The following PTPRG variants were observed in gnomAD, a reference collection of about 807,000 sequenced individuals.
PTPRG encodes the protein protein tyrosine phosphatase receptor type G.
Under a neutral mutation model 165.3 loss-of-function variants are expected in PTPRG, and 102 were observed. The observed-to-expected ratio is 0.62, with a 90% CI of 0.53 to 0.73. The LOEUF is 0.73. PTPRG is among the 30% of genes least tolerant of loss of function. The pLI is 0.00. For missense variants in PTPRG, 1,866 were observed against 1,861.4 expected (o/e 1.00, Z -0.05); for synonymous variants, 675 against 669.5 (o/e 1.01, Z -0.13).
At chr3:61,962,972 T>C (rs1189368730) in intron 2 of PTPRG, among the ~76,000 whole-genome samples, 1 of 152,210 alleles carries the variant, frequency 6.6e-6, no homozygotes, top group East Asian at 1.9e-4. Context: ...AAAAGGTATA[T>C]GCAGAGAAGT....
chr3:62,236,213 G>T (rs147098521), intron 14 of PTPRG, among the ~76,000 whole-genome samples: 2 of 152,150 alleles, frequency 1.3e-5, no homozygotes, highest in Admixed American at 6.5e-5. Flanking sequence ...GTGGAATCCC[G>T]GAGTTATTTC....
At chr3:61,883,632 A>C (rs907502761) in intron 2 of PTPRG, among the ~76,000 whole-genome samples, 6 of 152,202 alleles carry the variant, frequency 3.9e-5, no homozygotes, top group African/African-American at 1.4e-4. Flanking sequence ...AATGAGATTA[A>C]TATAAAAATA....
intron 1 of PTPRG, among the ~76,000 whole-genome samples, chr3:61,741,244 CCTA>C (rs2032969502): frequency 6.6e-6 from 1 of 152,120 alleles, no homozygotes; most frequent in African/African-American, 2.4e-5. Context: ...ATATAAACAA[CCTA>C]CTTAACTGCT....
intron 16 of PTPRG, among the ~76,000 whole-genome samples, chr3:62,256,636 T>C (rs1388524554): frequency 1.3e-5 from 2 of 152,314 alleles, no homozygotes; most frequent in South Asian, 4.1e-4. Flanking sequence ...GTTGGCTGGA[T>C]GACTGAGCAA....
At chr3:61,963,114 G>A (rs988784251) in intron 2 of PTPRG, among the ~76,000 whole-genome samples, 1 of 151,886 alleles carries the variant, frequency 6.6e-6, no homozygotes, top group African/African-American at 2.4e-5. Context: ...ATATATGTTC[G>A]TAATTTCTGC....
At chr3:61,611,308 C>T (rs188319092) in intron 1 of PTPRG, among the ~76,000 whole-genome samples, 184 of 152,258 alleles carry the variant, frequency 1.2e-3, no homozygotes, top group Admixed American at 2.0e-3. Context: ...ATAACCATCC[C>T]TCAGAACCTT....
In PTPRG at chr3:62,203,526, C is replaced by T. The variant is rs780045758; in HGVS notation, c.1731C>T (p.Thr577=). 4 of 1,555,632 alleles carry T rather than the reference C, an allele frequency of 2.6e-6. No homozygotes were observed. Among genetic ancestry groups the T allele is most frequent in the East Asian group, 2.4e-5 (1 of 41,124 alleles). ...DSSPTKDGEG[T]EEGEKDEKSE... is the part of the protein sequence containing the mutation. Reference sequence around the variant, plus strand: ...CACCAACCAAGGACGGCGAGGGCACCGAGGAAGGAGAGAAGGATGAGAAAA... The same window carrying T: ...CACCAACCAAGGACGGCGAGGGCACTGAGGAAGGAGAGAAGGATGAGAAAA... The change falls in exon 12 of 30, where the codon ACC becomes ACT. Residue 577 remains threonine, a synonymous_variant. Coordinates refer to ENST00000474889, the MANE Select transcript of PTPRG (RefSeq NM_002841.4). The surrounding 1 kb of genome is among the most constrained non-coding windows in gnomAD (Gnocchi z 6.4).
intron 5 of PTPRG, among the ~76,000 whole-genome samples, chr3:62,114,900 A>G (rs1301058739): frequency 2.0e-5 from 3 of 152,150 alleles, no homozygotes; most frequent in Admixed American, 1.3e-4. Flanking sequence ...TCAGCCTCCC[A>G]GTGTGCTGGG....
chr3:61,901,901 A>G (rs373898337), intron 2 of PTPRG, among the ~76,000 whole-genome samples: 3 of 152,232 alleles, frequency 2.0e-5, no homozygotes, highest in East Asian at 3.8e-4. Flanking sequence ...AATAAAAAGG[A>G]TGTTTTAAAA....
rs1216009103 is a variant in PTPRG, at chr3:62,277,056, T to G, written c.3636+8T>G. ...AATGCTTCTTATATCATGGTGAGAGTCAACAGTTAATTATAAATAAAGTCA... is the reference window on the plus strand; with the variant it reads ...AATGCTTCTTATATCATGGTGAGAGGCAACAGTTAATTATAAATAAAGTCA... On this transcript the variant is annotated splice_region_variant and intron_variant, in intron 25 of 29. Transcript: ENST00000474889. 1 of 1,605,478 alleles carries G rather than the reference T, an allele frequency of 6.2e-7. No individual in the cohort carries two copies. Among genetic ancestry groups the G allele is most frequent in the Non-Finnish European group, 8.5e-7 (1 of 1,173,332 alleles).
At chr3:61,695,440 G>T (rs1464539929) in intron 1 of PTPRG, among the ~76,000 whole-genome samples, 1 of 152,196 alleles carries the variant, frequency 6.6e-6, no homozygotes, top group Non-Finnish European at 1.5e-5. Flanking sequence ...AGGGTTATGG[G>T]TAGGGTCCTG....
chr3:61,762,686 C>A (rs1004107992), intron 2 of PTPRG, among the ~76,000 whole-genome samples: 5 of 152,114 alleles, frequency 3.3e-5, no homozygotes, highest in African/African-American at 1.2e-4. Flanking sequence ...GAAGTCATTT[C>A]CGGGAGTATG....
Position 62,264,145 on chromosome 3 carries a change from G to GA in PTPRG, c.2656+1267dup, listed in dbSNP as rs778448006. ...TGGGTGACAGAGTGAGACTCCATCT[G>GA]AAAAAAAAAAAAAAAATTCTGAAGT... On this transcript the variant is annotated intron_variant, in intron 17 of 29. Transcript: ENST00000474889. 7.7e-3 allele frequency: 1,001 copies of GA among 130,516 alleles called. 5 individuals are homozygous for GA. Among genetic ancestry groups the GA allele is most frequent in the African/African-American group, 0.018 (624 of 35,332 alleles). The allele number at this position is 130,516 out of a possible 1,614,324, so 8.1% of individuals were successfully genotyped here.
chr3:61,878,120 C>T (rs1206203840), intron 2 of PTPRG, among the ~76,000 whole-genome samples: 1 of 152,040 alleles, frequency 6.6e-6, no homozygotes, highest in Non-Finnish European at 1.5e-5. Flanking sequence ...CATTTATCAC[C>T]CAAACTCACT....
chr3:61,638,598 T>TTTTTG (rs1701982929), intron 1 of PTPRG, among the ~76,000 whole-genome samples: 1 of 138,818 alleles, frequency 7.2e-6, no homozygotes, highest in Non-Finnish European at 1.6e-5. Context: ...CTAGTTTTTT[T>TTTTTG]TTTTTTTTTT....
rs2148873747 is a variant in PTPRG, at chr3:62,271,985, C to T, written c.3182+430C>T. Among the ~76,000 whole-genome samples, 1 of 152,072 alleles carries T rather than the reference C, an allele frequency of 6.6e-6. No homozygotes were observed. The highest frequency in any genetic ancestry group is 1.5e-5 in the Non-Finnish European group (1 of 68,006). On this transcript the variant is annotated intron_variant, in intron 21 of 29. Coordinates refer to ENST00000474889, the MANE Select transcript of PTPRG (RefSeq NM_002841.4). The surrounding 1 kb of genome is among the most constrained non-coding windows in gnomAD (Gnocchi z 4.1). ...TGGCACATGCCTGTGGTCCCAGCTA[C>T]ATGGGAGGCTGAGACAGAAGGATCC...
In PTPRG at chr3:62,203,559, T is replaced by A. The variant is rs1201477016; in HGVS notation, c.1764T>A (p.Ser588Arg). 6.5e-7 allele frequency: 1 copy of A among 1,548,876 alleles called. No individual in the cohort carries two copies. Among genetic ancestry groups the A allele is most frequent in the Admixed American group, 2.0e-5 (1 of 50,696 alleles). Residue 588 changes from serine (S) to arginine (R), a missense_variant, in exon 12 of 30, where the codon AGT becomes AGA. By Grantham distance (110) the Ser-to-Arg change is moderately radical (BLOSUM62 -1). This residue lies in a region of PTPRG where 1,452 missense variants were observed against 1,463.0 expected (regional missense o/e 0.99). Coordinates refer to ENST00000474889, the MANE Select transcript of PTPRG (RefSeq NM_002841.4). This position sits in a 1 kb window ranked among gnomAD's most constrained non-coding sequence, Gnocchi z 6.4. ...EEGEKDEKSE[S>R]EDGEREHEED... ...GAGAGAAGGATGAGAAAAGCGAGAG[T>A]GAGGATGGGGAGCGGGAGCACGAGG...
rs147907691 is a variant in PTPRG, at chr3:62,166,850, G to C, written c.841-1121G>C. Among the ~76,000 whole-genome samples the C allele has an allele frequency of 6.6e-5, 10 of 151,944 alleles. No individual in the cohort carries two copies. In the East Asian group the frequency reaches 2.0e-3, roughly 30 times the overall value. On this transcript the variant is annotated intron_variant, in intron 7 of 29. Coordinates refer to ENST00000474889, the MANE Select transcript of PTPRG (RefSeq NM_002841.4). ...ACTACAGGCATGCACCACCATGCCC[G>C]GCTGATTTGTGTATTTTTTATATAG...
At chr3:61,903,359 G>GCAA (rs1215418519) in intron 2 of PTPRG, among the ~76,000 whole-genome samples, 4 of 152,110 alleles carry the variant, frequency 2.6e-5, no homozygotes, top group African/African-American at 4.8e-5. Context: ...GCAGTCACGT[G>GCAA]GCTATTGGCT....
Sources: allele counts gnomAD v4.1 joint callset (sites outside exome capture counted in the v4.1 genomes callset), GRCh38; gene constraint gnomAD v4.1.1; regional missense constraint gnomAD v4.1.1; non-coding constraint Gnocchi (gnomAD v3.1); transcripts MANE v1.5; gene names NCBI Gene and HGNC (gene_info 2026-07-23, HGNC 2026-07-21).